Variants in PTPRD observed in about 807,000 individuals in gnomAD.
PTPRD encodes the protein receptor-type tyrosine-protein phosphatase delta.
In PTPRD, 34 loss-of-function variants were observed where a neutral mutation model predicts 214.5. That is an observed-to-expected ratio of 0.16 (90% CI 0.12 to 0.21). The LOEUF is 0.21. Among genes scored for constraint, PTPRD ranks in the 10% least tolerant of loss-of-function variants. The pLI, the probability that PTPRD is intolerant of heterozygous loss-of-function variation, is 1.00. For synonymous variants in PTPRD, 1,128 were observed against 845.7 expected, an observed-to-expected ratio of 1.33 and a Z score of -5.79; for missense variants, 2,545 against 2,398.7, an observed-to-expected ratio of 1.06 and a Z score of -1.27.
At chr9:8,512,893 TC>T (rs1436313796) in intron 21 of PTPRD, among the ~76,000 whole-genome samples, 11 of 152,124 alleles carry the variant, frequency 7.2e-5, no homozygotes, top group Non-Finnish European at 1.5e-5. Context: ...ACTTACTACT[TC>T]TTTGTCAGAG....
At chr9:9,057,877 T>C (rs2099699209) in intron 10 of PTPRD, among the ~76,000 whole-genome samples, 1 of 152,158 alleles carries the variant, frequency 6.6e-6, no homozygotes, top group Non-Finnish European at 1.5e-5. Flanking sequence ...AATTATAATA[T>C]TAGCACAAGA....
At chr9:9,529,145 A>G (rs923591711) in intron 8 of PTPRD, among the ~76,000 whole-genome samples, 30 of 151,604 alleles carry the variant, frequency 2.0e-4, no homozygotes, top group African/African-American at 6.8e-4. Flanking sequence ...TGTTAGCCAG[A>G]CTGGTCTCGA....
chr9:10,458,451 TAAC>T (rs928227905), intron 2 of PTPRD, among the ~76,000 whole-genome samples: 81 of 152,318 alleles, frequency 5.3e-4, no homozygotes, highest in Admixed American at 3.4e-3. Context: ...CACATGATCA[TAAC>T]AACTGAAGCA....
rs574656594 is a variant in PTPRD, at chr9:9,288,013, T to C, written c.-202-104650A>G. Among the ~76,000 whole-genome samples, 5 of 151,932 alleles carry C rather than the reference T, an allele frequency of 3.3e-5. 1 individual carries two copies. In the South Asian group the frequency reaches 1.0e-3, roughly 32 times the overall value. On this transcript the variant is annotated intron_variant, in intron 9 of 45. Coordinates refer to ENST00000381196, the MANE Select transcript of PTPRD (RefSeq NM_002839.4). The stretch of plus-strand genomic sequence containing the variant: ...CAAAGTGAGGCTGCCTAGTAGAGAC[T>C]TATCATGGTTAAATGCAGCACAAGA...
intron 3 of PTPRD, among the ~76,000 whole-genome samples, chr9:10,050,798 T>C (rs2154153572): frequency 6.6e-6 from 1 of 152,140 alleles, no homozygotes; most frequent in African/African-American, 2.4e-5. Context: ...TAACCCTAAA[T>C]TTCCTGTCCA....
intron 5 of PTPRD, among the ~76,000 whole-genome samples, chr9:9,808,489 G>A (rs577402651): frequency 3.9e-4 from 60 of 152,138 alleles, no homozygotes; most frequent in Non-Finnish European, 2.1e-4. Flanking sequence ...TATCACCACC[G>A]TACCCGGATA....
At chr9:9,043,788 C>A (rs1569497165) in intron 10 of PTPRD, among the ~76,000 whole-genome samples, 2 of 151,966 alleles carry the variant, frequency 1.3e-5, no homozygotes, top group Non-Finnish European at 2.9e-5. Context: ...CCTGTAGTCC[C>A]AGCTACCCAG....
intron 3 of PTPRD, among the ~76,000 whole-genome samples, chr9:10,109,276 A>G (rs1161595697): frequency 6.6e-6 from 1 of 152,150 alleles, no homozygotes; most frequent in Non-Finnish European, 1.5e-5. Flanking sequence ...AGAGAAGAGG[A>G]CTGGTATTAA....
intron 11 of PTPRD, among the ~76,000 whole-genome samples, chr9:8,974,471 A>G (rs1047688166): frequency 6.6e-6 from 1 of 152,050 alleles, no homozygotes; most frequent in African/African-American, 2.4e-5. Flanking sequence ...ATAGGTATAC[A>G]TGCGCCATGG....
At chr9:8,688,834 G>A (rs2154379674) in intron 12 of PTPRD, among the ~76,000 whole-genome samples, 1 of 152,214 alleles carries the variant, frequency 6.6e-6, no homozygotes, top group East Asian at 1.9e-4. Context: ...TCTCATCCAT[G>A]AAAAACGAAT....
intron 2 of PTPRD, among the ~76,000 whole-genome samples, chr9:10,360,954 T>C (rs1296314860): frequency 1.3e-5 from 2 of 151,498 alleles, no homozygotes; most frequent in Non-Finnish European, 2.9e-5. Context: ...TACAAAAAAT[T>C]AGCCGGGCGT....
intron 2 of PTPRD, among the ~76,000 whole-genome samples, chr9:10,397,848 T>C (rs2098200386): frequency 6.6e-6 from 1 of 151,924 alleles, no homozygotes; most frequent in Non-Finnish European, 1.5e-5. Context: ...GTAGGCAATA[T>C]CATATAGGTT....
intron 10 of PTPRD, among the ~76,000 whole-genome samples, chr9:9,113,398 G>C (rs2099808882): frequency 6.6e-6 from 1 of 152,160 alleles, no homozygotes; most frequent in African/African-American, 2.4e-5. Flanking sequence ...TAAAGGGGGA[G>C]AGTGTTGTCC....
chr9:8,494,015 C>G (rs547300313), intron 26 of PTPRD, among the ~76,000 whole-genome samples: 21 of 150,380 alleles, frequency 1.4e-4, no homozygotes, highest in East Asian at 5.8e-4. Flanking sequence ...CAGACACACA[C>G]ACACACACAC....
intron 3 of PTPRD, among the ~76,000 whole-genome samples, chr9:10,074,791 G>A (rs183766233): frequency 1.3e-5 from 2 of 152,234 alleles, no homozygotes; most frequent in Admixed American, 1.3e-4. Context: ...CTCTGCTGAA[G>A]CACACACAGT....
At chr9:8,594,337 C>G (rs907000258) in intron 14 of PTPRD, among the ~76,000 whole-genome samples, 13 of 152,134 alleles carry the variant, frequency 8.5e-5, no homozygotes, top group African/African-American at 1.9e-4. Flanking sequence ...AAATTTCAAA[C>G]AAATGGAAAA....
rs139289891 is a variant in PTPRD, at chr9:9,889,707, T to C, written c.-368+48800A>G. The stretch of plus-strand genomic sequence containing the variant: ...CACTATATTAAGCGAGCTATGTCCA[T>C]AGAGGGCCCTGGAGGGTCACAGCAG... On this transcript the variant is annotated intron_variant, in intron 5 of 45. Coordinates refer to ENST00000381196, the MANE Select transcript of PTPRD (RefSeq NM_002839.4). Among the ~76,000 whole-genome samples the C allele has an allele frequency of 8.5e-3, 1,286 of 152,164 alleles. 9 individuals are homozygous for C. The highest frequency in any genetic ancestry group is 0.016 in the Admixed American group (241 of 15,276).
intron 32 of PTPRD, among the ~76,000 whole-genome samples, 178 bp downstream of exon 32, chr9:8,465,288 T>C (rs866537314): frequency 6.6e-6 from 1 of 151,936 alleles, no homozygotes; most frequent in African/African-American, 2.4e-5. Flanking sequence ...TCATTTGTAA[T>C]GCAGTCTCAA....
rs185465684 is a variant in PTPRD, at chr9:9,053,617, G to A, written c.-142-34882C>T. Reference sequence around the variant, plus strand: ...CTTGATTTTTGACTTCTTGACTCCAGAACTGTGAGATATTAAATTATTAAA... The same window carrying A: ...CTTGATTTTTGACTTCTTGACTCCAAAACTGTGAGATATTAAATTATTAAA... On this transcript the variant is annotated intron_variant, in intron 10 of 45. Transcript: ENST00000381196. Among the ~76,000 whole-genome samples, 130 of 152,214 alleles carry A rather than the reference G, an allele frequency of 8.5e-4. 1 individual carries two copies. The highest frequency in any genetic ancestry group is 3.0e-3 in the African/African-American group (125 of 41,538).
Sources: allele counts gnomAD v4.1 joint callset (sites outside exome capture counted in the v4.1 genomes callset), GRCh38; gene constraint gnomAD v4.1.1; transcripts MANE v1.5; gene names NCBI Gene and HGNC (gene_info 2026-07-23, HGNC 2026-07-21).